Variants in RELN observed in about 807,000 individuals in gnomAD.
RELN encodes the protein reelin.
Under a neutral mutation model 427.6 loss-of-function variants are expected in RELN, and 108 were observed. That is an observed-to-expected ratio of 0.25 (90% confidence interval 0.22 to 0.30). RELN has a LOEUF of 0.30. Among genes scored for constraint, RELN ranks in the 10% least tolerant of loss-of-function variants. The probability of loss-of-function intolerance (pLI) is 1.00; values close to 1 mark genes in which losing one functional copy is unlikely to be tolerated. For missense variants in RELN, 3,715 were observed against 4,302.8 expected (o/e 0.86, Z 3.82); for synonymous variants, 1,524 against 1,513.4 (o/e 1.01, Z -0.16).
intron 6 of RELN, among the ~76,000 whole-genome samples, chr7:103,736,487 A>T (rs1790495340): frequency 6.6e-6 from 1 of 152,182 alleles, no homozygotes; most frequent in Admixed American, 6.6e-5. Flanking sequence ...GAAAATGACA[A>T]ACTCCATTTA....
At chr7:103,758,276 T>C (rs1033658872) in intron 4 of RELN, among the ~76,000 whole-genome samples, 1 of 152,170 alleles carries the variant, frequency 6.6e-6, no homozygotes, top group Non-Finnish European at 1.5e-5. Flanking sequence ...AGGTATATCA[T>C]GGTAACTTAA....
At chr7:103,679,158 A>C (rs1411974213) in intron 11 of RELN, among the ~76,000 whole-genome samples, 1 of 152,202 alleles carries the variant, frequency 6.6e-6, no homozygotes, top group Non-Finnish European at 1.5e-5. Flanking sequence ...GGGCCCCCCA[A>C]CCCCCAACAC....
rs551515430 is a variant in RELN, at chr7:103,854,967, G to A, written c.338-21295C>T. 2.1e-4 allele frequency among the ~76,000 whole-genome samples: 32 copies of A among 152,332 alleles called. 1 individual carries two copies. In the South Asian group the frequency reaches 6.6e-3, roughly 32 times the overall value. ...ATGAATTATTTTGTGAGACCAAAGA[G>A]ATGGCAAATGCAACTGCTTAAGAGG... On this transcript the variant is annotated intron_variant, in intron 2 of 64. Coordinates refer to ENST00000428762, the MANE Select transcript of RELN (RefSeq NM_005045.4).
At chr7:103,780,925 G>A (rs749864445) in intron 3 of RELN, among the ~76,000 whole-genome samples, 53 of 152,104 alleles carry the variant, frequency 3.5e-4, no homozygotes, top group Non-Finnish European at 5.6e-4. Context: ...ACTGGATGAC[G>A]TTCTCAGCCA....
At chr7:103,890,301 T>C (rs892807084) in intron 2 of RELN, among the ~76,000 whole-genome samples, 4 of 152,018 alleles carry the variant, frequency 2.6e-5, no homozygotes, top group South Asian at 2.1e-4. Flanking sequence ...TAGAAGATTG[T>C]CATTGGGATT....
rs536054273 is a variant in RELN at position 103,875,465 on chromosome 7, T to C, written c.337+41610A>G. 2.0e-5 allele frequency among the ~76,000 whole-genome samples: 3 copies of C among 152,240 alleles called. No homozygotes were observed. The East Asian group carries it at 5.8e-4, about 29-fold the overall frequency. On this transcript the variant is annotated intron_variant, in intron 2 of 64. Coordinates refer to ENST00000428762, the MANE Select transcript of RELN (RefSeq NM_005045.4). ...TATGAATATATTTTTGACTAACAAA[T>C]TCCAAATTCCAAACATCTTAACAGA...
chr7:103,908,779 C>A (rs939841385), intron 2 of RELN, among the ~76,000 whole-genome samples: 6 of 152,104 alleles, frequency 3.9e-5, no homozygotes, highest in Non-Finnish European at 2.9e-5. Flanking sequence ...ATGGAATACT[C>A]AAATGGAATG....
At position 103,498,173 on chromosome 7, in the gene RELN, G is replaced by A. The variant is rs1828898780; in HGVS notation, c.8747C>T (p.Thr2916Ile). Residue 2916 changes from threonine to isoleucine, a missense_variant, in exon 54 of 65, where the codon ACT becomes ATT. Around this residue, in one of 4 missense-constraint regions of RELN, gnomAD observed 1,310 missense variants for 1,643.0 expected, o/e 0.80. Coordinates refer to ENST00000428762, the MANE Select transcript of RELN (RefSeq NM_005045.4). ...GTCCTCGGCAAGAATTCCACACTCA[G>A]TGCAAGTACTTCCACCTTCTAAGGA... is the stretch of plus-strand genomic sequence containing the variant. ...WMSLEGGSTC[T>I]ECGILAEDTA... 1 of 1,613,850 alleles carries A rather than the reference G, an allele frequency of 6.2e-7. No individual in the cohort carries two copies. The highest frequency in any genetic ancestry group is 1.1e-5 in the South Asian group (1 of 91,084).
chr7:103,947,368 A>G (rs1166584719), intron 1 of RELN, among the ~76,000 whole-genome samples: 1 of 152,220 alleles, frequency 6.6e-6, no homozygotes, highest in Non-Finnish European at 1.5e-5. Context: ...TTACAGAGGT[A>G]AACACGTTAA....
intron 20 of RELN, among the ~76,000 whole-genome samples, chr7:103,614,185 A>G (rs895014953): frequency 1.3e-5 from 2 of 152,224 alleles, no homozygotes; most frequent in African/African-American, 2.4e-5. Context: ...AACAATGATA[A>G]CCAAATTTTT....
intron 61 of RELN, among the ~76,000 whole-genome samples, chr7:103,485,151 A>C (rs976707887): frequency 6.7e-6 from 1 of 148,990 alleles, no homozygotes; most frequent in African/African-American, 2.5e-5. Context: ...CTAACTATGC[A>C]CCTAGTTGCA....
Position 103,650,361 on chromosome 7 carries a change from G to A in RELN, c.1915C>T (p.Leu639Phe), listed in dbSNP as rs150988816. The change falls in exon 16 of 65, where the codon CTT (leucine) becomes TTT (phenylalanine). Residue 639 changes from leucine (L) to phenylalanine (F), a missense_variant. This residue lies in a region of RELN where 2,208 missense variants were observed against 2,361.7 expected (regional missense o/e 0.93). Transcript: ENST00000428762. ...YSGWNRITIPLPNAALTRNTR... is the reference protein window; with the variant it reads ...YSGWNRITIPFPNAALTRNTR... ...TTCCGGGTTAGTGCTGCGTTAGGAA[G>A]GGGAATTGTTATTCGGTTCCACCTG... is the stretch of plus-strand genomic sequence containing the variant. 1 of 1,612,064 alleles carries A rather than the reference G, an allele frequency of 6.2e-7. No individual in the cohort carries two copies. The highest frequency in any genetic ancestry group is 8.5e-7 in the Non-Finnish European group (1 of 1,178,612).
At chr7:103,731,574 T>C (rs192997949) in intron 6 of RELN, among the ~76,000 whole-genome samples, 53 of 152,260 alleles carry the variant, frequency 3.5e-4, no homozygotes, top group African/African-American at 1.1e-3. Flanking sequence ...AGCTAGTCAA[T>C]TGCAGAATTG....
At chr7:103,621,570 T>C (rs1022953830) in intron 20 of RELN, among the ~76,000 whole-genome samples, 2 of 152,062 alleles carry the variant, frequency 1.3e-5, no homozygotes, top group South Asian at 4.2e-4. Context: ...GCTTGGCTTG[T>C]TGGTGTAGAG....
chr7:103,914,097 T>A (rs1306919295), intron 2 of RELN, among the ~76,000 whole-genome samples: 1 of 152,152 alleles, frequency 6.6e-6, no homozygotes, highest in Non-Finnish European at 1.5e-5. Context: ...CAAGTACAAA[T>A]CGACTTTTTA....
intron 16 of RELN, among the ~76,000 whole-genome samples, chr7:103,642,786 T>C (rs1584370203): frequency 6.6e-6 from 1 of 152,156 alleles, no homozygotes; most frequent in Admixed American, 6.6e-5. Flanking sequence ...AGGTTCATTA[T>C]AGAATCCTTA....
chr7:103,817,143 C>A lies in RELN; in HGVS notation c.473+16394G>T, dbSNP rs373547008. 6.6e-5 allele frequency among the ~76,000 whole-genome samples: 10 copies of A among 152,286 alleles called. No individual in the cohort carries two copies. In the East Asian group the frequency reaches 1.7e-3, roughly 27 times the overall value. The stretch of plus-strand genomic sequence containing the variant: ...CTGGGATTACAAGCACGACCCACCA[C>A]GCTCAGCCCCTTGCTTATATTTCTT... On this transcript the variant is annotated intron_variant, in intron 3 of 64. Coordinates refer to ENST00000428762, the MANE Select transcript of RELN (RefSeq NM_005045.4).
At chr7:103,877,723 A>G (rs186567878) in intron 2 of RELN, among the ~76,000 whole-genome samples, 2 of 151,948 alleles carry the variant, frequency 1.3e-5, no homozygotes, top group Non-Finnish European at 2.9e-5. Flanking sequence ...TCCATCTTCC[A>G]TCTCTTCTCC....
intron 3 of RELN, among the ~76,000 whole-genome samples, chr7:103,831,774 C>G (rs759713264): frequency 1.3e-5 from 2 of 152,022 alleles, no homozygotes; most frequent in Admixed American, 6.6e-5. Flanking sequence ...ATTGGAAGAG[C>G]CTTCAAACCT....
Sources: allele counts gnomAD v4.1 joint callset (sites outside exome capture counted in the v4.1 genomes callset), GRCh38; gene constraint gnomAD v4.1.1; regional missense constraint gnomAD v4.1.1; transcripts MANE v1.5; gene names NCBI Gene and HGNC (gene_info 2026-07-23, HGNC 2026-07-21).